Variants in CACNA1D observed in about 807,000 individuals in gnomAD.
CACNA1D encodes the protein voltage-dependent L-type calcium channel subunit alpha-1D.
A neutral mutation model predicts 257.1 loss-of-function variants in CACNA1D; 55 were observed. The observed-to-expected ratio is 0.21, with a 90% confidence interval of 0.17 to 0.27. CACNA1D has a LOEUF of 0.27. CACNA1D is among the 10% of genes least tolerant of loss of function. The probability of loss-of-function intolerance (pLI) is 1.00; values close to 1 mark genes in which losing one functional copy is unlikely to be tolerated. For missense variants in CACNA1D, 1,876 were observed against 2,784.0 expected (o/e 0.67, Z 7.34); for synonymous variants, 980 against 1,014.9 (o/e 0.97, Z 0.65).
chr3:53,574,898 G>A (rs1442222228), intron 3 of CACNA1D, among the ~76,000 whole-genome samples: 3 of 152,228 alleles, frequency 2.0e-5, no homozygotes, highest in Non-Finnish European at 4.4e-5. Flanking sequence ...TCAGACCAAC[G>A]TGACAGGCTC....
At chr3:53,578,321 TGTTGGGGGCAGA>T (rs1261020907) in intron 3 of CACNA1D, among the ~76,000 whole-genome samples, 1 of 151,856 alleles carries the variant, frequency 6.6e-6, no homozygotes, top group Non-Finnish European at 1.5e-5. Context: ...TAGGCATAGC[TGTTGGGGGCAGA>T]GTGGGGTGGA....
chr3:53,803,557 C>T lies in CACNA1D; in HGVS notation c.5570C>T (p.Ser1857Leu), dbSNP rs772809958. ...SSEECYEDDSSPTWSRQNYGY... is the reference protein window; with the variant it reads ...SSEECYEDDSLPTWSRQNYGY... ...GAGGAATGCTACGAGGATGACAGCT[C>T]GCCCACCTGGAGCAGGTGAGCTGCT... The change falls in exon 44 of 48, where the codon TCG becomes TTG. Residue 1857 changes from serine to leucine, a missense_variant. This residue lies in a region of CACNA1D where 491 missense variants were observed against 554.3 expected (regional missense o/e 0.89). Coordinates refer to ENST00000350061, the MANE Select transcript of CACNA1D (RefSeq NM_001128840.3). 1.2e-5 allele frequency: 19 copies of T among 1,614,076 alleles called. No individual in the cohort carries two copies. The highest frequency in any genetic ancestry group is 4.4e-5 in the South Asian group (4 of 91,078).
chr3:53,622,960 G>A (rs1305624474), intron 3 of CACNA1D, among the ~76,000 whole-genome samples: 1 of 150,880 alleles, frequency 6.6e-6, no homozygotes, highest in Non-Finnish European at 1.5e-5. Context: ...CTCGATCTCC[G>A]CTCACTGCAA....
chr3:53,563,710 T>G (rs2092782789), intron 3 of CACNA1D, among the ~76,000 whole-genome samples: 1 of 152,350 alleles, frequency 6.6e-6, no homozygotes, highest in East Asian at 1.9e-4. Flanking sequence ...ACTTCTTAGA[T>G]TTATCGGTAA....
At chr3:53,682,621 C>T (rs968548412) in intron 8 of CACNA1D, among the ~76,000 whole-genome samples, 2 of 151,412 alleles carry the variant, frequency 1.3e-5, no homozygotes, top group Non-Finnish European at 2.9e-5. Context: ...GTGAGGTAGG[C>T]ATATGGGTGT....
At chr3:53,516,470 A>G (rs1436898599) in intron 3 of CACNA1D, among the ~76,000 whole-genome samples, 2 of 152,172 alleles carry the variant, frequency 1.3e-5, no homozygotes, top group African/African-American at 4.8e-5. Context: ...CTCATAGCTC[A>G]GGGCTCACCC....
At chr3:53,799,957 C>A (rs1199165155) in intron 40 of CACNA1D, 1 of 456,568 alleles carries the variant, frequency 2.2e-6, no homozygotes. Flanking sequence ...CTTGGCCTGG[C>A]AGATCCTAGC....
At chr3:53,657,214 A>G (rs184354858) in intron 4 of CACNA1D, among the ~76,000 whole-genome samples, 1 of 152,310 alleles carries the variant, frequency 6.6e-6, no homozygotes, top group Admixed American at 6.5e-5. Context: ...ACAAAAAGAA[A>G]TGAACTGCTG....
At chr3:53,634,610 T>A (rs1031433346) in intron 3 of CACNA1D, among the ~76,000 whole-genome samples, 1 of 152,176 alleles carries the variant, frequency 6.6e-6, no homozygotes, top group South Asian at 2.1e-4. Flanking sequence ...TCCTCCAGCC[T>A]TTGGTTTTTA....
intron 8 of CACNA1D, among the ~76,000 whole-genome samples, chr3:53,695,229 A>C (rs1487843623): frequency 6.6e-6 from 1 of 152,146 alleles, no homozygotes; most frequent in African/African-American, 2.4e-5. Context: ...AGGTCTTTAG[A>C]ACGTGCTGTG....
chr3:53,748,712 G>A (rs928741994), intron 26 of CACNA1D, among the ~76,000 whole-genome samples: 3 of 152,216 alleles, frequency 2.0e-5, no homozygotes, highest in Non-Finnish European at 4.4e-5. Flanking sequence ...GGGAGAGGCT[G>A]TGAAAGTGTC....
At chr3:53,777,991 C>T (rs1348680182) in intron 37 of CACNA1D, among the ~76,000 whole-genome samples, 1 of 152,148 alleles carries the variant, frequency 6.6e-6, no homozygotes, top group African/African-American at 2.4e-5. Context: ...TGGGGTCAGG[C>T]GTTTTTACCA....
At position 53,778,787 on chromosome 3, in the gene CACNA1D, G is replaced by T. The variant is rs2095411177; in HGVS notation, c.4588-1239G>T. Reference sequence around the variant, plus strand: ...GATCAGGATATAGAAGAGGAGTGGGGAGCATGGATCCTGCTCTGAAAGACC... The same window carrying T: ...GATCAGGATATAGAAGAGGAGTGGGTAGCATGGATCCTGCTCTGAAAGACC... On this transcript the variant is annotated intron_variant, in intron 37 of 47. Coordinates refer to ENST00000350061, the MANE Select transcript of CACNA1D (RefSeq NM_001128840.3). 2.0e-5 allele frequency among the ~76,000 whole-genome samples: 3 copies of T among 152,190 alleles called. No individual in the cohort carries two copies. In the South Asian group the frequency reaches 6.2e-4, roughly 31 times the overall value.
intron 3 of CACNA1D, among the ~76,000 whole-genome samples, chr3:53,636,568 G>A (rs149245848): frequency 0.013 from 1,913 of 152,268 alleles, 40 homozygotes; most frequent in African/African-American, 0.042. Flanking sequence ...TGGCCCCCAC[G>A]AAGTGCTGGG....
At chr3:53,795,394 T>G (rs2106700634) in intron 40 of CACNA1D, among the ~76,000 whole-genome samples, 1 of 152,250 alleles carries the variant, frequency 6.6e-6, no homozygotes, top group South Asian at 2.1e-4. Flanking sequence ...TCCCAGTAGG[T>G]GCAGTGACTT....
intron 3 of CACNA1D, among the ~76,000 whole-genome samples, chr3:53,642,517 C>A (rs1470277914): frequency 6.6e-6 from 1 of 152,198 alleles, no homozygotes; most frequent in Non-Finnish European, 1.5e-5. Flanking sequence ...TGCTGGGTGG[C>A]AAGGCCATCA....
intron 3 of CACNA1D, chr3:53,530,506 T>G (rs1038783195): frequency 6.6e-6 from 1 of 152,252 alleles, no homozygotes; most frequent in African/African-American, 2.4e-5. Context: ...AGACCTCCAC[T>G]ATTTTCTTTC....
chr3:53,718,254 G>A (rs368997342), intron 9 of CACNA1D, 47 bp from the exon 10 acceptor site: 22 of 1,527,710 alleles, frequency 1.4e-5, no homozygotes, highest in South Asian at 4.5e-5. Context: ...CCTCCCAGGC[G>A]TGCAGTGTGC....
intron 3 of CACNA1D, among the ~76,000 whole-genome samples, chr3:53,517,506 CAG>C (rs1282191184): frequency 6.8e-6 from 1 of 147,774 alleles, no homozygotes; most frequent in Non-Finnish European, 1.5e-5. Flanking sequence ...TTTTTTTAGA[CAG>C]AGTCTCACTC....
Sources: allele counts gnomAD v4.1 joint callset (sites outside exome capture counted in the v4.1 genomes callset), GRCh38; gene constraint gnomAD v4.1.1; regional missense constraint gnomAD v4.1.1; transcripts MANE v1.5; gene names NCBI Gene and HGNC (gene_info 2026-07-23, HGNC 2026-07-21).